PSMG2: variants seen among roughly 807,000 people sequenced by gnomAD.
PSMG2 encodes proteasome assembly chaperone 2.
A neutral mutation model predicts 31.5 loss-of-function variants in PSMG2; 21 were observed. The ratio of observed to expected loss-of-function variants is 0.67; its 90% CI spans 0.47 to 0.96. The LOEUF (loss-of-function observed/expected upper bound fraction) is 0.96. PSMG2 is among the 40% of genes least tolerant of loss of function. PSMG2 has a pLI of 0.00. For synonymous variants in PSMG2, 120 were observed against 110.4 expected (o/e 1.09, Z -0.54); for missense variants, 318 against 321.2 (o/e 0.99, Z 0.08).
At chr18:12,683,112 G>A (rs150587515) in intron 1 of PSMG2, among the ~76,000 whole-genome samples, 1 of 149,254 alleles carries the variant, frequency 6.7e-6, no homozygotes, top group African/African-American at 2.5e-5. Context: ...TTGGGAGGCT[G>A]AAGCGGGCAG....
upstream of PSMG2, chr18:12,702,419 G>T: frequency 1.6e-6 from 2 of 1,275,756 alleles, no homozygotes; most frequent in Non-Finnish European, 2.3e-6. Context: ...TCGGCCCGGG[G>T]CCGCCGGGCA....
At chr18:12,721,841 CT>C (rs2040433784) in intron 5 of PSMG2, among the ~76,000 whole-genome samples, 1 of 149,014 alleles carries the variant, frequency 6.7e-6, no homozygotes, top group South Asian at 2.1e-4. Flanking sequence ...AAGTTTTTTT[CT>C]TTTTTACTGA....
chr18:12,712,295 G>A (rs2040339351), intron 2 of PSMG2, among the ~76,000 whole-genome samples: 1 of 151,908 alleles, frequency 6.6e-6, no homozygotes, highest in Non-Finnish European at 1.5e-5. Flanking sequence ...TGTTTTTTCT[G>A]TTAATCCCAA....
chr18:12,695,420 C>A, intron 1 of PSMG2: 2 of 631,742 alleles, frequency 3.2e-6, no homozygotes, highest in East Asian at 3.1e-5. Flanking sequence ...CAAAGTCTAA[C>A]CAAAATAATT....
chr18:12,668,933 G>GT lies in PSMG2; in HGVS notation c.-37+10163dup, dbSNP rs1382934386. On this transcript the variant is annotated intron_variant, in intron 1 of 6. Transcript: ENST00000585331. ...TTTTTGTATTTTTAGTAGAGACGGGGTTTCATCAAGTTGGCCAGGCTGGTC... is the reference window on the plus strand; with the variant it reads ...TTTTTGTATTTTTAGTAGAGACGGGGTTTTCATCAAGTTGGCCAGGCTGGTC... 4.7e-5 allele frequency among the ~76,000 whole-genome samples: 7 copies of GT among 148,440 alleles called. 1 individual carries two copies. The highest frequency in any genetic ancestry group is 4.1e-4 in the Admixed American group (6 of 14,682).
chr18:12,688,181 A>G (rs192382790), intron 1 of PSMG2, among the ~76,000 whole-genome samples: 89 of 146,790 alleles, frequency 6.1e-4, no homozygotes, highest in African/African-American at 2.1e-3. Flanking sequence ...CAGTGAGCCG[A>G]GATCGTGCCA....
intron 1 of PSMG2, chr18:12,691,323 T>A (rs2039754715): frequency 7.2e-7 from 1 of 1,388,572 alleles, no homozygotes; most frequent in African/African-American, 1.5e-5. Flanking sequence ...AAATCTCAAA[T>A]ACAGGCATAA....
At chr18:12,717,465 A>G (rs930736477) in intron 3 of PSMG2, among the ~76,000 whole-genome samples, 2 of 152,242 alleles carry the variant, frequency 1.3e-5, no homozygotes, top group Admixed American at 6.5e-5. Flanking sequence ...ATCTCTCGCT[A>G]TGCGCGTACA....
chr18:12,723,712 C>A (rs191764885), intron 5 of PSMG2, among the ~76,000 whole-genome samples: 60 of 152,268 alleles, frequency 3.9e-4, no homozygotes, highest in African/African-American at 1.1e-3. Flanking sequence ...CTCTTTAAAC[C>A]TGTTACCTCA....
chr18:12,695,358 A>G (rs1328074795), intron 1 of PSMG2: 2 of 1,368,740 alleles, frequency 1.5e-6, no homozygotes, highest in Middle Eastern at 2.3e-4. Flanking sequence ...GTGCCTATAA[A>G]CATAAATATT....
rs199949684 is a variant in PSMG2 at position 12,706,737 on chromosome 18, C to T, written c.229+16C>T. ...AATGCTGAAGGTATGTAAGACTTTA[C>T]CTTGTATTTTTCCACTACAAAGTAG... On this transcript the variant is annotated intron_variant, in intron 2 of 6. Coordinates refer to ENST00000317615, the MANE Select transcript of PSMG2 (RefSeq NM_020232.5). 40 of 1,572,790 alleles carry T rather than the reference C, an allele frequency of 2.5e-5. No individual in the cohort carries two copies. The highest frequency in any genetic ancestry group is 2.5e-4 in the East Asian group (11 of 44,014).
intron 1 of PSMG2, chr18:12,661,286 TG>T: frequency 1.3e-6 from 1 of 747,114 alleles, no homozygotes; most frequent in Non-Finnish European, 1.6e-6. Context: ...CCAGCCTGGG[TG>T]ACAAGAGTGA....
intron 3 of PSMG2, among the ~76,000 whole-genome samples, chr18:12,715,375 T>C (rs879670414): frequency 6.6e-6 from 1 of 152,192 alleles, no homozygotes; most frequent in Non-Finnish European, 1.5e-5. Context: ...CATAAGATAG[T>C]GTCATGCACA....
intron 1 of PSMG2, among the ~76,000 whole-genome samples, chr18:12,678,861 CAGG>C (rs936471120): frequency 9.2e-5 from 14 of 152,050 alleles, no homozygotes; most frequent in Admixed American, 4.6e-4. Context: ...GAGGCTAAGC[CAGG>C]AGAATTGCTT....
chr18:12,715,800 T>C (rs9966490), intron 3 of PSMG2, among the ~76,000 whole-genome samples: 57,719 of 152,114 alleles, frequency 0.38, 11,489 homozygotes, highest in Non-Finnish European at 0.45. Flanking sequence ...GCCACTGTGC[T>C]CAGCCATTAT....
chr18:12,705,568 A>AGTGTGTGTGTGT (rs1356391959), intron 1 of PSMG2, among the ~76,000 whole-genome samples: 5 of 126,738 alleles, frequency 3.9e-5, no homozygotes, highest in South Asian at 2.8e-4. Context: ...AGAGAGAGAG[A>AGTGTGTGTGTGT]GAGAGAGAGT....
chr18:12,669,761 G>A (rs1426463973), intron 1 of PSMG2, among the ~76,000 whole-genome samples: 3 of 152,100 alleles, frequency 2.0e-5, no homozygotes, highest in Non-Finnish European at 2.9e-5. Flanking sequence ...AGCACTTTGG[G>A]AGGCCAAGGC....
At chr18:12,681,693 A>G (rs1048156631) in intron 1 of PSMG2, among the ~76,000 whole-genome samples, 4 of 152,114 alleles carry the variant, frequency 2.6e-5, no homozygotes, top group Admixed American at 2.6e-4. Context: ...ATACATACAT[A>G]AGAAAAATGA....
intron 1 of PSMG2, chr18:12,686,419 G>C (rs1212899944): frequency 1.9e-6 from 3 of 1,613,400 alleles, no homozygotes; most frequent in Admixed American, 1.7e-5. Context: ...TTTAACATAG[G>C]AACAGACTGG....
Sources: gnomAD v4.1 joint callset for allele counts (sites outside exome capture counted in the v4.1 genomes callset) on GRCh38, gnomAD v4.1.1 for gene constraint, MANE v1.5 for transcripts, NCBI Gene and HGNC (gene_info 2026-07-23, HGNC 2026-07-21) for gene names.